Variants in SH3RF2 observed in about 807,000 individuals in gnomAD.
The protein encoded by SH3RF2 is SH3 domain containing ring finger 2.
A neutral mutation model predicts 59.0 loss-of-function variants in SH3RF2; 43 were observed. The observed-to-expected ratio is 0.73, with a 90% CI of 0.57 to 0.94. The LOEUF is 0.94. Among genes scored for constraint, SH3RF2 ranks in the 40% least tolerant of loss-of-function variants. The pLI is 0.00. For missense variants in SH3RF2, 930 were observed against 940.1 expected (o/e 0.99, Z 0.14); for synonymous variants, 391 against 391.5 (o/e 1.00, Z 0.01).
chr5:145,962,182 C>T (rs577654210), intron 2 of SH3RF2, among the ~76,000 whole-genome samples: 36 of 152,244 alleles, frequency 2.4e-4, no homozygotes, highest in South Asian at 8.3e-4. Flanking sequence ...ATTGGTTGGA[C>T]CTCGGTCATG....
At chr5:146,048,995 C>G in intron 6 of SH3RF2, 80 bp from the exon 7 acceptor site, 1 of 1,533,922 alleles carries the variant, frequency 6.5e-7, no homozygotes, top group Non-Finnish European at 9.0e-7. Context: ...TGGGCAGTCT[C>G]TCTCCACCAT....
In SH3RF2 at chr5:146,056,155, C is replaced by A; in HGVS notation, c.1497C>A (p.Ala499=). Reference sequence around the variant, plus strand: ...TAGTCAACCCCGTGAGAAGCACAGCCGGCCCTGGGACTTTAGGACAAGGGT... The same window carrying A: ...TAGTCAACCCCGTGAGAAGCACAGCAGGCCCTGGGACTTTAGGACAAGGGT... ...TAIVNPVRST[A]GPGTLGQGSL... The change falls in exon 8 of 10, where the codon GCC becomes GCA. Residue 499 remains alanine (A), a synonymous_variant. Transcript: ENST00000359120. 6.2e-7 allele frequency: 1 copy of A among 1,614,176 alleles called. No homozygotes were observed. Among genetic ancestry groups the A allele is most frequent in the Non-Finnish European group, 8.5e-7 (1 of 1,180,038 alleles).
chr5:146,074,234 T>A (rs759530712), intron 9 of SH3RF2, among the ~76,000 whole-genome samples: 13 of 151,832 alleles, frequency 8.6e-5, no homozygotes, highest in Non-Finnish European at 1.8e-4. Context: ...AGAGACGGGG[T>A]TTCACCGCCA....
chr5:145,939,520 A>T (rs781709951), intron 2 of SH3RF2, among the ~76,000 whole-genome samples: 2 of 152,316 alleles, frequency 1.3e-5, no homozygotes, highest in South Asian at 4.1e-4. Flanking sequence ...GTAAACATTC[A>T]ACAATGAGGG....
At chr5:145,981,907 TAATTGTTA>T (rs1214655580) in intron 2 of SH3RF2, among the ~76,000 whole-genome samples, 2 of 152,210 alleles carry the variant, frequency 1.3e-5, no homozygotes, top group African/African-American at 4.8e-5. Context: ...GATCCTCTGA[TAATTGTTA>T]AATTATTTTT....
At chr5:146,053,928 C>T (rs1482143835) in intron 7 of SH3RF2, among the ~76,000 whole-genome samples, 1 of 152,136 alleles carries the variant, frequency 6.6e-6, no homozygotes, top group Admixed American at 6.5e-5. Flanking sequence ...GTTTGTGATG[C>T]CCTTTTTGAA....
chr5:145,997,816 C>T lies in SH3RF2; in HGVS notation c.379-2242C>T, dbSNP rs1760228188. Reference sequence around the variant, plus strand: ...AGAAAAAAAATTAAGCTAGGATCCCCCGCCGAAATAGAAGTACCTGCAAAA... The same window carrying T: ...AGAAAAAAAATTAAGCTAGGATCCCTCGCCGAAATAGAAGTACCTGCAAAA... On this transcript the variant is annotated intron_variant, in intron 2 of 9. Transcript: ENST00000359120. 4.0e-6 allele frequency: 6 copies of T among 1,491,692 alleles called. No homozygotes were observed. The South Asian group carries it at 5.6e-5, about 14-fold the overall frequency. The allele number at this position is 1,491,692 out of a possible 1,614,324, so 92.4% of individuals were successfully genotyped here. A position where few individuals can be genotyped will look rare whatever the true frequency, so the allele number is the denominator to read the frequency against.
At chr5:145,976,347 G>A (rs1005095788) in intron 2 of SH3RF2, among the ~76,000 whole-genome samples, 2 of 151,166 alleles carry the variant, frequency 1.3e-5, no homozygotes, top group African/African-American at 4.9e-5. Flanking sequence ...GTGAGATACT[G>A]TATCTAAATG....
At chr5:146,039,023 C>T (rs530236222) in intron 5 of SH3RF2, among the ~76,000 whole-genome samples, 1 of 152,164 alleles carries the variant, frequency 6.6e-6, no homozygotes, top group East Asian at 1.9e-4. Flanking sequence ...AGCATAGAGG[C>T]TTGATTTATG....
chr5:146,003,591 A>T (rs1261583781), intron 3 of SH3RF2, among the ~76,000 whole-genome samples: 2 of 152,210 alleles, frequency 1.3e-5, no homozygotes, highest in Non-Finnish European at 2.9e-5. Context: ...ACAAATTTAC[A>T]TATAACCTTT....
Position 146,059,976 on chromosome 5 carries a change from C to G in SH3RF2, c.1666C>G (p.Pro556Ala). Residue 556 changes from proline to alanine, a missense_variant, in exon 9 of 10, where the codon CCA (proline) becomes GCA (alanine). Physicochemically the swap from Pro to Ala is conservative, Grantham distance 27. Transcript: ENST00000359120. The stretch of plus-strand genomic sequence containing the variant: ...GCCTCAGCAGTTCCAATTCTACCAG[C>G]CACAGGGGATCCCCTCCTCCCCCTC... ...LRPQQFQFYQ[P>A]QGIPSSPSAV... is the part of the protein sequence containing the mutation. 6.3e-7 allele frequency: 1 copy of G among 1,579,802 alleles called. No individual in the cohort carries two copies. The highest frequency in any genetic ancestry group is 8.6e-7 in the Non-Finnish European group (1 of 1,162,046).
At chr5:145,997,484 A>T in intron 2 of SH3RF2, 1 of 1,577,224 alleles carries the variant, frequency 6.3e-7, no homozygotes, top group African/African-American at 1.3e-5. Flanking sequence ...TGGATACAGT[A>T]CAATTTGGGA....
chr5:146,032,277 A>G (rs6580403), intron 5 of SH3RF2, among the ~76,000 whole-genome samples: 45,369 of 152,046 alleles, frequency 0.3, 7,957 homozygotes, highest in Non-Finnish European at 0.38. Context: ...CTCTTGAACC[A>G]GCTACCAAGA....
chr5:145,983,131 G>T (rs749943153), intron 2 of SH3RF2, among the ~76,000 whole-genome samples: 3 of 152,096 alleles, frequency 2.0e-5, no homozygotes, highest in Non-Finnish European at 2.9e-5. Context: ...GCTTCTACCA[G>T]CTCTTAGCAG....
chr5:146,033,019 A>G (rs62392691), intron 5 of SH3RF2, among the ~76,000 whole-genome samples: 45,377 of 152,084 alleles, frequency 0.3, 7,951 homozygotes, highest in Non-Finnish European at 0.38. Flanking sequence ...CAGTCACATC[A>G]TGTAGGTTCG....
intron 2 of SH3RF2, among the ~76,000 whole-genome samples, chr5:145,974,290 A>G (rs1759201219): frequency 6.6e-6 from 1 of 152,192 alleles, no homozygotes; most frequent in Non-Finnish European, 1.5e-5. Context: ...AATTAATCAT[A>G]GGGTAGTGAT....
intron 4 of SH3RF2, among the ~76,000 whole-genome samples, chr5:146,005,854 T>A (rs368484241): frequency 3.1e-4 from 40 of 129,680 alleles, no homozygotes; most frequent in East Asian, 2.6e-3. Context: ...GCACTCTGTT[T>A]AAAAAAAAAA....
intron 5 of SH3RF2, among the ~76,000 whole-genome samples, chr5:146,039,386 T>C (rs1002165942): frequency 4.6e-5 from 7 of 151,770 alleles, no homozygotes; most frequent in Admixed American, 2.0e-4. Context: ...ATATTAGAAC[T>C]CCATAATTTA....
intron 2 of SH3RF2, among the ~76,000 whole-genome samples, chr5:145,947,607 C>T (rs889391101): frequency 6.6e-6 from 1 of 152,142 alleles, no homozygotes; most frequent in African/African-American, 2.4e-5. Context: ...GTGCTATAGA[C>T]CTGGGGATAA....
Sources: gnomAD v4.1 joint callset for allele counts (sites outside exome capture counted in the v4.1 genomes callset) on GRCh38, gnomAD v4.1.1 for gene constraint, MANE v1.5 for transcripts, NCBI Gene and HGNC (gene_info 2026-07-23, HGNC 2026-07-21) for gene names.